PCDHGA8: variants seen among roughly 807,000 people sequenced by gnomAD.
PCDHGA8 encodes protocadherin gamma-A8.
In PCDHGA8, 45 loss-of-function variants were observed where a neutral mutation model predicts 59.2. That is an observed-to-expected ratio of 0.76 (90% CI 0.60 to 0.98). PCDHGA8 has a LOEUF of 0.98. Ranked by LOEUF, PCDHGA8 falls within the 50% of genes least tolerant of loss-of-function variation. The pLI is 0.00. For synonymous variants in PCDHGA8, 531 were observed against 519.0 expected, an observed-to-expected ratio of 1.02 and a Z score of -0.32; for missense variants, 1,257 against 1,196.2, an observed-to-expected ratio of 1.05 and a Z score of -0.75.
At position 141,486,460 on chromosome 5, in the gene PCDHGA8, T is replaced by A. The variant is rs1218788640; in HGVS notation, c.2425-8347T>A. 6.2e-7 allele frequency: 1 copy of A among 1,614,146 alleles called. No individual in the cohort carries two copies. Among genetic ancestry groups the A allele is most frequent in the South Asian group, 1.1e-5 (1 of 91,082 alleles). On this transcript the variant is annotated intron_variant, in intron 1 of 3. Coordinates refer to ENST00000398604, the MANE Select transcript of PCDHGA8 (RefSeq NM_032088.2). The surrounding 1 kb of genome is among the most constrained non-coding windows in gnomAD (Gnocchi z 5.0). Reference sequence around the variant, plus strand: ...ATGACATCATGGTCACTGCTTCTGATGCTGGGAACCCTCCTCTCAGTACCC... The same window carrying A: ...ATGACATCATGGTCACTGCTTCTGAAGCTGGGAACCCTCCTCTCAGTACCC...
intron 1 of PCDHGA8, among the ~76,000 whole-genome samples, chr5:141,458,500 T>G (rs2098947037): frequency 6.6e-6 from 1 of 151,442 alleles, no homozygotes; most frequent in Admixed American, 6.6e-5. Context: ...CTGTACATAC[T>G]GTTTGACACT....
In PCDHGA8 at chr5:141,393,008, T is replaced by C; in HGVS notation, c.195T>C (p.Arg65=). The C allele has an allele frequency of 1.2e-6, 2 of 1,613,876 alleles. No individual in the cohort carries two copies. ...DPRKLAKHGV[R]IVSRGRTQLF... ...GGAAGCTGGCGAAGCACGGAGTCCG[T>C]ATCGTCTCCAGAGGTAGGACGCAGC... is the stretch of plus-strand genomic sequence containing the variant. Residue 65 remains arginine (R), a synonymous_variant, in exon 1 of 4, where the codon CGT becomes CGC. Coordinates refer to ENST00000398604, the MANE Select transcript of PCDHGA8 (RefSeq NM_032088.2).
chr5:141,479,277 TC>T (rs2099491823), intron 1 of PCDHGA8: 1 of 152,362 alleles, frequency 6.6e-6, no homozygotes, highest in African/African-American at 2.4e-5. Flanking sequence ...ATAATTTATT[TC>T]AAAAATAAAT....
chr5:141,487,340 G>A lies in PCDHGA8; in HGVS notation c.2425-7467G>A, dbSNP rs2099643329. 6.2e-7 allele frequency: 1 copy of A among 1,614,182 alleles called. No individual in the cohort carries two copies. Among genetic ancestry groups the A allele is most frequent in the Admixed American group, 1.7e-5 (1 of 60,024 alleles). The stretch of plus-strand genomic sequence containing the variant: ...GTGTCTTCGTGGGGCAGCCTGTGGA[G>A]TCACATGCTTTCCTGCTGGCACCTG... On this transcript the variant is annotated intron_variant, in intron 1 of 3. Coordinates refer to ENST00000398604, the MANE Select transcript of PCDHGA8 (RefSeq NM_032088.2). This position sits in a 1 kb window ranked among gnomAD's most constrained non-coding sequence, Gnocchi z 5.0.
intron 1 of PCDHGA8, chr5:141,419,208 C>T: frequency 6.2e-7 from 1 of 1,613,966 alleles, no homozygotes; most frequent in Non-Finnish European, 8.5e-7. Flanking sequence ...GACAACGCGC[C>T]GGTTTTCGGA....
chr5:141,414,920 C>A (rs1222364302), intron 1 of PCDHGA8: 1 of 1,614,146 alleles, frequency 6.2e-7, no homozygotes, highest in South Asian at 1.1e-5. Flanking sequence ...GTGGAGCTGG[C>A]GCCCCGCTCC....
rs549051669 is a variant in PCDHGA8, at chr5:141,450,866, C to A, written c.2425-43941C>A. 4.7e-5 allele frequency among the ~76,000 whole-genome samples: 7 copies of A among 149,836 alleles called. No homozygotes were observed. In the East Asian group the frequency reaches 1.4e-3, roughly 29 times the overall value. On this transcript the variant is annotated intron_variant, in intron 1 of 3. Transcript: ENST00000398604. ...TTGAGATGGGGTCTTGCTCTGTCAC[C>A]CAGGCTGGTGTGCAGTGGTGCGATA...
chr5:141,398,336 C>T lies in PCDHGA8; in HGVS notation c.2424+3099C>T, dbSNP rs2093641789. The T allele has an allele frequency of 7.3e-6, 10 of 1,363,224 alleles. No individual in the cohort carries two copies. In the East Asian group the frequency reaches 1.7e-4, roughly 24 times the overall value. 84.4% of individuals were successfully genotyped at this position (1,363,224 alleles called of 1,614,324 possible). On this transcript the variant is annotated intron_variant, in intron 1 of 3. Coordinates refer to ENST00000398604, the MANE Select transcript of PCDHGA8 (RefSeq NM_032088.2). ...CCGACTCGAAAACTGCGCGTCAGTT[C>T]GGAGAAGCCTTACTTCACCGTGAGC...
chr5:141,505,413 C>T lies in PCDHGA8; in HGVS notation c.2504C>T (p.Thr835Ile), dbSNP rs1240988786. ...CCCAGCTCCCAAAATGGCGATGACA[C>T]CGGCACCTGGCCCAACAACCAGTTT... is the stretch of plus-strand genomic sequence containing the variant. ...GTSGSQNGDD[T>I]GTWPNNQFDT... Residue 835 changes from threonine to isoleucine, a missense_variant, in exon 3 of 4, where the codon ACC becomes ATC. By Grantham distance (89) the Thr-to-Ile change is moderately conservative. Coordinates refer to ENST00000398604, the MANE Select transcript of PCDHGA8 (RefSeq NM_032088.2). 10 of 1,614,202 alleles carry T rather than the reference C, an allele frequency of 6.2e-6. No homozygotes were observed. Among genetic ancestry groups the T allele is most frequent in the Non-Finnish European group, 7.6e-6 (9 of 1,180,046 alleles).
chr5:141,432,421 C>T lies in PCDHGA8; in HGVS notation c.2424+37184C>T, dbSNP rs771647620. 10 of 1,614,126 alleles carry T rather than the reference C, an allele frequency of 6.2e-6. No homozygotes were observed. In the African/African-American group the frequency reaches 1.2e-4, roughly 19 times the overall value. ...TGTCGTTGAGCCTGTTCGTGCTGGA[C>T]CAGAACGACAATGCGCCCGAGATCC... On this transcript the variant is annotated intron_variant, in intron 1 of 3. Transcript: ENST00000398604. This position sits in a 1 kb window ranked among gnomAD's most constrained non-coding sequence, Gnocchi z 6.0.
At chr5:141,504,135 C>G (rs758903340) in intron 2 of PCDHGA8, among the ~76,000 whole-genome samples, 215 of 152,306 alleles carry the variant, frequency 1.4e-3, no homozygotes, top group Middle Eastern at 3.4e-3. Context: ...CCCGCCAACA[C>G]TCCCCTGCAA....
At chr5:141,443,853 A>G (rs929370798) in intron 1 of PCDHGA8, among the ~76,000 whole-genome samples, 3 of 152,230 alleles carry the variant, frequency 2.0e-5, no homozygotes, top group African/African-American at 7.2e-5. Flanking sequence ...GGAAAGTCTG[A>G]AAACTGAAAA....
intron 1 of PCDHGA8, among the ~76,000 whole-genome samples, chr5:141,438,019 G>A (rs1031334687): frequency 1.3e-5 from 2 of 152,104 alleles, no homozygotes; most frequent in Non-Finnish European, 2.9e-5. Context: ...GAGATTACAG[G>A]TGTGAGCCAC....
At chr5:141,478,639 A>G (rs377308663) in intron 1 of PCDHGA8, 168 of 1,552,322 alleles carry the variant, frequency 1.1e-4, no homozygotes, top group Non-Finnish European at 1.0e-4. Context: ...TTAGTGATGA[A>G]GATGTTTTCC....
intron 1 of PCDHGA8, 88 bp from the exon 2 acceptor site, chr5:141,494,719 C>T: frequency 6.2e-7 from 1 of 1,605,960 alleles, no homozygotes; most frequent in Non-Finnish European, 8.5e-7. Flanking sequence ...CCACTCCCCT[C>T]CTTCTCTCCC....
intron 1 of PCDHGA8, chr5:141,399,620 C>T: frequency 6.2e-7 from 1 of 1,613,940 alleles, no homozygotes; most frequent in Non-Finnish European, 8.5e-7. Flanking sequence ...CTGGCACTGG[C>T]CTCTTACGTG....
chr5:141,472,751 G>A (rs1000022316), intron 1 of PCDHGA8, among the ~76,000 whole-genome samples: 5 of 151,850 alleles, frequency 3.3e-5, no homozygotes, highest in East Asian at 3.9e-4. Flanking sequence ...TTTGGGAGGC[G>A]GAGGCTGGCA....
At chr5:141,480,942 G>T (rs2099528600) in intron 1 of PCDHGA8, among the ~76,000 whole-genome samples, 3 of 152,132 alleles carry the variant, frequency 2.0e-5, no homozygotes, top group Non-Finnish European at 2.9e-5. Flanking sequence ...CTACTCTAGA[G>T]GCTGAGGCGG....
chr5:141,399,515 C>A, intron 1 of PCDHGA8: 13 of 1,614,040 alleles, frequency 8.1e-6, no homozygotes, highest in Non-Finnish European at 1.1e-5. Flanking sequence ...AACAACCCTC[C>A]TGGGGCCTCC....
Sources: allele counts gnomAD v4.1 joint callset (sites outside exome capture counted in the v4.1 genomes callset), GRCh38; gene constraint gnomAD v4.1.1; non-coding constraint Gnocchi (gnomAD v3.1); transcripts MANE v1.5; gene names NCBI Gene and HGNC (gene_info 2026-07-23, HGNC 2026-07-21).